Variants in CNTN6 observed in about 807,000 individuals in gnomAD.
The protein encoded by CNTN6 is contactin 6.
CNTN6 carries 137 observed loss-of-function variants against 122.8 expected under a neutral mutation model. The observed-to-expected ratio is 1.12, with a 90% CI of 0.97 to 1.29. The LOEUF (loss-of-function observed/expected upper bound fraction) is 1.29. Ranked by LOEUF, CNTN6 falls within the 50% of genes most tolerant of loss-of-function variation. The probability of loss-of-function intolerance (pLI) is 0.00; values close to 1 mark genes in which losing one functional copy is unlikely to be tolerated. For synonymous variants in CNTN6, 570 were observed against 426.0 expected, an observed-to-expected ratio of 1.34 and a Z score of -4.16; for missense variants, 1,634 against 1,223.4, an observed-to-expected ratio of 1.34 and a Z score of -5.01.
chr3:1,281,673 C>CAG (rs1693469910), intron 5 of CNTN6, among the ~76,000 whole-genome samples: 2 of 151,920 alleles, frequency 1.3e-5, no homozygotes, highest in South Asian at 2.1e-4. Flanking sequence ...CTTCTGACCT[C>CAG]GTGATCTGCC....
intron 5 of CNTN6, among the ~76,000 whole-genome samples, chr3:1,292,718 CTCT>C (rs542452799): frequency 6.6e-6 from 1 of 152,162 alleles, no homozygotes; most frequent in Non-Finnish European, 1.5e-5. Flanking sequence ...CTTTCTGACA[CTCT>C]TCTTATCCTG....
At chr3:1,124,521 T>C (rs2092085844) in intron 1 of CNTN6, among the ~76,000 whole-genome samples, 1 of 151,752 alleles carries the variant, frequency 6.6e-6, no homozygotes, top group Non-Finnish European at 1.5e-5. Flanking sequence ...TATAATCGAG[T>C]TTGGGGACTC....
chr3:1,201,320 T>C (rs1042579731), intron 2 of CNTN6, among the ~76,000 whole-genome samples: 2 of 152,118 alleles, frequency 1.3e-5, no homozygotes, highest in Non-Finnish European at 2.9e-5. Flanking sequence ...TTCCCTATGA[T>C]TGGGTTAGCA....
chr3:1,384,110 A>G (rs73817012), intron 19 of CNTN6, among the ~76,000 whole-genome samples: 2,396 of 152,342 alleles, frequency 0.016, 58 homozygotes, highest in African/African-American at 0.054. Context: ...CAGATTCAGT[A>G]AGTAAGATGA....
At chr3:1,289,555 C>A (rs1694924912) in intron 5 of CNTN6, among the ~76,000 whole-genome samples, 1 of 152,168 alleles carries the variant, frequency 6.6e-6, no homozygotes, top group African/African-American at 2.4e-5. Flanking sequence ...CAGACTCCAA[C>A]ACACCACTCA....
chr3:1,283,830 T>C (rs769177689), intron 5 of CNTN6, among the ~76,000 whole-genome samples: 4 of 152,050 alleles, frequency 2.6e-5, no homozygotes, highest in Non-Finnish European at 5.9e-5. Context: ...TGAAACCCCG[T>C]CTGTCCTAAA....
At chr3:1,333,165 A>G (rs944085963) in intron 11 of CNTN6, among the ~76,000 whole-genome samples, 4 of 151,986 alleles carry the variant, frequency 2.6e-5, no homozygotes, top group African/African-American at 4.8e-5. Context: ...ATATATTAGG[A>G]GCCAGGGACA....
At chr3:1,256,812 G>A (rs754628639) in intron 4 of CNTN6, among the ~76,000 whole-genome samples, 6 of 151,990 alleles carry the variant, frequency 3.9e-5, no homozygotes, top group African/African-American at 7.2e-5. Context: ...ATTGGACTTT[G>A]TTAGGCTTCA....
At chr3:1,340,814 TG>T (rs1419614731) in intron 11 of CNTN6, among the ~76,000 whole-genome samples, 4 of 152,150 alleles carry the variant, frequency 2.6e-5, no homozygotes, top group Admixed American at 6.6e-5. Flanking sequence ...CAGATACTCA[TG>T]TCCTGAAATC....
chr3:1,111,172 G>A (rs2091463009), intron 1 of CNTN6, among the ~76,000 whole-genome samples: 1 of 152,124 alleles, frequency 6.6e-6, no homozygotes, highest in African/African-American at 2.4e-5. Context: ...AAATTATTAT[G>A]AATAAGGGAC....
chr3:1,290,990 A>G (rs1695225607), intron 5 of CNTN6, among the ~76,000 whole-genome samples: 1 of 152,148 alleles, frequency 6.6e-6, no homozygotes, highest in Non-Finnish European at 1.5e-5. Context: ...AATACAGCCC[A>G]GTAGGTTTCA....
chr3:1,205,545 T>C (rs1010092183), intron 2 of CNTN6, among the ~76,000 whole-genome samples: 2 of 152,214 alleles, frequency 1.3e-5, no homozygotes, highest in Non-Finnish European at 2.9e-5. Flanking sequence ...GCCATCAAAC[T>C]CAGTCTCTTT....
chr3:1,255,966 T>C (rs958654436), intron 4 of CNTN6, among the ~76,000 whole-genome samples: 1 of 151,956 alleles, frequency 6.6e-6, no homozygotes, highest in Non-Finnish European at 1.5e-5. Context: ...CCACCTAAGC[T>C]CAAGAAATCC....
intron 3 of CNTN6, among the ~76,000 whole-genome samples, chr3:1,223,027 C>A (rs1308902077): frequency 2.0e-5 from 3 of 152,120 alleles, no homozygotes; most frequent in African/African-American, 7.2e-5. Flanking sequence ...ACGTGCATTA[C>A]CAACAAAATG....
intron 4 of CNTN6, among the ~76,000 whole-genome samples, chr3:1,268,160 G>T (rs1236370379): frequency 2.0e-5 from 3 of 152,230 alleles, no homozygotes; most frequent in Non-Finnish European, 4.4e-5. Context: ...AAGACTATGA[G>T]AAGCAGGGCA....
chr3:1,373,569 C>T (rs752379115), intron 14 of CNTN6, 35 bp from the exon 15 acceptor site: 2 of 1,595,544 alleles, frequency 1.3e-6, no homozygotes, highest in Non-Finnish European at 1.7e-6. Context: ...ATGTAAGTAT[C>T]TCCAATGGAG....
chr3:1,289,870 T>G (rs561689707), intron 5 of CNTN6, among the ~76,000 whole-genome samples: 8,708 of 152,146 alleles, frequency 0.057, 275 homozygotes, highest in Middle Eastern at 0.071. Flanking sequence ...GAGACGGGGT[T>G]TCACCGTGTT....
intron 16 of CNTN6, among the ~76,000 whole-genome samples, chr3:1,375,714 A>C (rs187537385): frequency 3.3e-5 from 5 of 152,216 alleles, no homozygotes; most frequent in Admixed American, 2.6e-4. Flanking sequence ...AAGTCTTAGA[A>C]AATAAGGTTT....
At chr3:1,377,953 A>C (rs1452410666) in intron 17 of CNTN6, among the ~76,000 whole-genome samples, 1 of 152,010 alleles carries the variant, frequency 6.6e-6, no homozygotes, top group African/African-American at 2.4e-5. Context: ...TTTATCTGGG[A>C]GATGGCCACT....
Sources: allele counts gnomAD v4.1 joint callset (sites outside exome capture counted in the v4.1 genomes callset), GRCh38; gene constraint gnomAD v4.1.1; transcripts MANE v1.5; gene names NCBI Gene and HGNC (gene_info 2026-07-23, HGNC 2026-07-21).